The following FOXP2 variants were observed in gnomAD, a reference collection of about 807,000 sequenced individuals.
FOXP2 encodes forkhead box P2.
A neutral mutation model predicts 115.8 loss-of-function variants in FOXP2; 12 were observed. That is an observed-to-expected ratio of 0.10 (90% CI 0.07 to 0.17). The LOEUF is 0.17. FOXP2 is among the 10% of genes least tolerant of loss of function. The pLI is 1.00. For missense variants in FOXP2, 629 were observed against 843.5 expected, an observed-to-expected ratio of 0.75 and a Z score of 3.15; for synonymous variants, 328 against 297.7, an observed-to-expected ratio of 1.10 and a Z score of -1.05.
At position 114,179,102 on chromosome 7, in the gene FOXP2, G is replaced by A. The variant is rs562767806; in HGVS notation, c.-102+16014G>A. ...TATTTAACTATTTATAAGAAGGCTC[G>A]TACAAAGGACAATTTTGGTTTAGTT... is the stretch of plus-strand genomic sequence containing the variant. On this transcript the variant is annotated intron_variant, in intron 1 of 17. Coordinates refer to the FOXP2 transcript ENST00000634411. 4.7e-4 allele frequency among the ~76,000 whole-genome samples: 72 copies of A among 151,902 alleles called. 1 individual carries two copies. The highest frequency in any genetic ancestry group is 1.5e-3 in the African/African-American group (64 of 41,494).
intron 1 of FOXP2, among the ~76,000 whole-genome samples, chr7:114,287,735 A>G (rs1006664055): frequency 6.6e-6 from 1 of 151,962 alleles, no homozygotes; most frequent in African/African-American, 2.4e-5. Flanking sequence ...TGCCAAATCA[A>G]TGAGAGTGGG....
chr7:114,186,618 G>C (rs982402722), intron 1 of FOXP2, among the ~76,000 whole-genome samples: 13 of 152,224 alleles, frequency 8.5e-5, no homozygotes, highest in Middle Eastern at 3.4e-3. Context: ...AACTTTGCCA[G>C]GTTGGTGTTA....
intron 2 of FOXP2, among the ~76,000 whole-genome samples, chr7:114,461,352 A>T (rs1795551424): frequency 6.6e-6 from 1 of 152,046 alleles, no homozygotes. Context: ...GTGAACTATT[A>T]TACTTTTCCT....
chr7:114,479,818 A>G (rs564334579), intron 2 of FOXP2, among the ~76,000 whole-genome samples: 1 of 151,646 alleles, frequency 6.6e-6, no homozygotes, highest in Admixed American at 6.6e-5. Context: ...AATATAGGTT[A>G]CCGCAGCAAT....
At chr7:114,115,660 C>G (rs2129142852) in intron 1 of FOXP2, among the ~76,000 whole-genome samples, 1 of 152,228 alleles carries the variant, frequency 6.6e-6, no homozygotes, top group East Asian at 1.9e-4. Context: ...CCTCGTGGAA[C>G]TCTTTTTTAA....
chr7:114,557,589 T>C (rs1397680942), intron 3 of FOXP2, among the ~76,000 whole-genome samples: 1 of 152,108 alleles, frequency 6.6e-6, no homozygotes, highest in Non-Finnish European at 1.5e-5. Flanking sequence ...TTTCAAAATT[T>C]TCTTATTCAG....
intron 1 of FOXP2, among the ~76,000 whole-genome samples, chr7:114,216,276 A>G (rs1035228979): frequency 1.3e-5 from 2 of 152,200 alleles, no homozygotes; most frequent in Non-Finnish European, 2.9e-5. Flanking sequence ...CTCATTAAAC[A>G]TAAATTCCTC....
intron 1 of FOXP2, among the ~76,000 whole-genome samples, chr7:114,249,677 G>A (rs571152020): frequency 6.6e-6 from 1 of 152,186 alleles, no homozygotes; most frequent in East Asian, 1.9e-4. Context: ...GTTAACATAT[G>A]TGTGCATGTA....
At chr7:114,620,966 G>A (rs1804218939) in intron 3 of FOXP2, among the ~76,000 whole-genome samples, 1 of 151,920 alleles carries the variant, frequency 6.6e-6, no homozygotes, top group Admixed American at 6.6e-5. Context: ...GATAAATTCT[G>A]GGCAAAACTC....
At chr7:114,410,242 G>C (rs1173741342), upstream of FOXP2, among the ~76,000 whole-genome samples, 1 of 152,052 alleles carries the variant, frequency 6.6e-6, no homozygotes, top group African/African-American at 2.4e-5. Flanking sequence ...ACTTGATTGA[G>C]AGTTTTCAGG....
chr7:114,342,435 G>C (rs1791240626), intron 2 of FOXP2, among the ~76,000 whole-genome samples: 4 of 150,910 alleles, frequency 2.7e-5, no homozygotes, highest in African/African-American at 9.7e-5. Flanking sequence ...CCTAATCATT[G>C]GACCTTTTCA....
At chr7:114,162,789 T>A (rs1227549855), upstream of FOXP2, among the ~76,000 whole-genome samples, 4 of 152,130 alleles carry the variant, frequency 2.6e-5, no homozygotes, top group Non-Finnish European at 5.9e-5. Context: ...AAATACTAGA[T>A]TTATTTATTA....
intron 1 of FOXP2, among the ~76,000 whole-genome samples, chr7:114,262,634 T>C (rs1363282446): frequency 6.6e-6 from 1 of 152,174 alleles, no homozygotes; most frequent in Non-Finnish European, 1.5e-5. Context: ...AAATAACTGA[T>C]GTTTAAGTTT....
intron 2 of FOXP2, among the ~76,000 whole-genome samples, chr7:114,452,362 TTGAATAGAAGGACTTAAGCAC>T (rs1475893774): frequency 6.6e-6 from 1 of 151,948 alleles, no homozygotes; most frequent in Non-Finnish European, 1.5e-5. Flanking sequence ...TCAGATAAAG[TTGAATAGAAGGACTTAAGCAC>T]TTCTGAATAT....
chr7:114,514,959 T>C (rs950388327), intron 2 of FOXP2, among the ~76,000 whole-genome samples: 20 of 150,074 alleles, frequency 1.3e-4, no homozygotes, highest in Non-Finnish European at 1.6e-4. Flanking sequence ...TGAGTGAGAA[T>C]ATGCGGTGTT....
chr7:114,676,355 G>C (rs375256981), intron 16 of FOXP2, among the ~76,000 whole-genome samples: 234 of 152,082 alleles, frequency 1.5e-3, no homozygotes, highest in Middle Eastern at 3.4e-3. Flanking sequence ...ATATTGAATG[G>C]GTAATAGATG....
At chr7:114,127,646 A>T (rs1352989515) in intron 1 of FOXP2, among the ~76,000 whole-genome samples, 2 of 152,224 alleles carry the variant, frequency 1.3e-5, no homozygotes, top group Non-Finnish European at 2.9e-5. Flanking sequence ...CAAGGTAGAA[A>T]CATGAAAAGA....
At chr7:114,428,708 A>G (rs181146284) in intron 2 of FOXP2, among the ~76,000 whole-genome samples, 5 of 151,630 alleles carry the variant, frequency 3.3e-5, no homozygotes, top group Non-Finnish European at 5.9e-5. Context: ...TCTTTCATGA[A>G]TGTATTTTAG....
At chr7:114,355,816 A>G (rs1444249495) in intron 2 of FOXP2, among the ~76,000 whole-genome samples, 1 of 152,148 alleles carries the variant, frequency 6.6e-6, no homozygotes, top group Non-Finnish European at 1.5e-5. Flanking sequence ...TTTACCCATT[A>G]GAAAAACGCT....
Sources: gnomAD v4.1 joint callset for allele counts (sites outside exome capture counted in the v4.1 genomes callset) on GRCh38, gnomAD v4.1.1 for gene constraint, MANE v1.5 for transcripts, NCBI Gene and HGNC (gene_info 2026-07-23, HGNC 2026-07-21) for gene names.